RPS6KA5: variants seen among roughly 807,000 people sequenced by gnomAD.
RPS6KA5 encodes the protein ribosomal protein S6 kinase A5.
Under a neutral mutation model 85.5 loss-of-function variants are expected in RPS6KA5, and 27 were observed. The ratio of observed to expected loss-of-function variants is 0.32; its 90% CI spans 0.23 to 0.44. The LOEUF (loss-of-function observed/expected upper bound fraction) is 0.44. RPS6KA5 is among the 20% of genes least tolerant of loss of function. The pLI is 1.00. For synonymous variants in RPS6KA5, 334 were observed against 348.2 expected (o/e 0.96, Z 0.46); for missense variants, 811 against 980.9 (o/e 0.83, Z 2.31).
chr14:90,893,892 T>A, intron 13 of RPS6KA5: 3 of 562,542 alleles, frequency 5.3e-6, no homozygotes, highest in Non-Finnish European at 4.5e-6. Flanking sequence ...CTACATATAG[T>A]TCTATAAATA....
intron 3 of RPS6KA5, among the ~76,000 whole-genome samples, chr14:90,958,326 C>A (rs992753542): frequency 6.6e-6 from 1 of 152,128 alleles, no homozygotes; most frequent in Admixed American, 6.5e-5. Flanking sequence ...TTAAATATTG[C>A]GTTTTCCAAC....
intron 3 of RPS6KA5, among the ~76,000 whole-genome samples, chr14:90,977,501 G>C (rs1176893640): frequency 1.3e-5 from 2 of 152,178 alleles, no homozygotes; most frequent in South Asian, 2.1e-4. Context: ...GAGTGTAAAG[G>C]GCTGACTGAT....
At chr14:91,042,473 C>G (rs573698279) in intron 1 of RPS6KA5, among the ~76,000 whole-genome samples, 1 of 151,576 alleles carries the variant, frequency 6.6e-6, no homozygotes, top group Non-Finnish European at 1.5e-5. Flanking sequence ...ATCGCACCAC[C>G]GCACTCCAGC....
At chr14:91,002,667 CACATA>C (rs2040839140) in intron 1 of RPS6KA5, among the ~76,000 whole-genome samples, 1 of 152,098 alleles carries the variant, frequency 6.6e-6, no homozygotes, top group Non-Finnish European at 1.5e-5. Flanking sequence ...TGGTCAAAAA[CACATA>C]ACATAAAATT....
chr14:90,965,121 C>T (rs1392006238), intron 3 of RPS6KA5, among the ~76,000 whole-genome samples: 4 of 152,166 alleles, frequency 2.6e-5, no homozygotes, highest in South Asian at 2.1e-4. Flanking sequence ...ATCGGCTGGG[C>T]GCTGTGGCTC....
intron 3 of RPS6KA5, among the ~76,000 whole-genome samples, chr14:90,967,901 CTTCT>C (rs1272123690): frequency 6.6e-6 from 1 of 152,182 alleles, no homozygotes; most frequent in Non-Finnish European, 1.5e-5. Flanking sequence ...TCTTGTCTTT[CTTCT>C]TTATTTTACT....
intron 7 of RPS6KA5, among the ~76,000 whole-genome samples, chr14:90,913,402 G>C (rs2035939663): frequency 6.6e-6 from 1 of 152,176 alleles, no homozygotes. Context: ...TTGCTGAAAA[G>C]AGCTTTCTTT....
intron 1 of RPS6KA5, among the ~76,000 whole-genome samples, chr14:91,035,506 G>A (rs1255311028): frequency 2.0e-5 from 3 of 152,120 alleles, no homozygotes; most frequent in Non-Finnish European, 4.4e-5. Flanking sequence ...CACCAGCCAG[G>A]AAACAGGTGT....
chr14:91,055,864 A>G (rs2043292032), intron 1 of RPS6KA5, among the ~76,000 whole-genome samples: 1 of 152,246 alleles, frequency 6.6e-6, no homozygotes. Context: ...GCTGCCTGTC[A>G]TGAGAATGCT....
chr14:90,869,617 C>T lies in RPS6KA5; in HGVS notation c.*2457G>A, dbSNP rs1271519335. 1 of 152,102 alleles carries T rather than the reference C, an allele frequency of 6.6e-6. No individual in the cohort carries two copies. Among genetic ancestry groups the T allele is most frequent in the Non-Finnish European group, 1.5e-5 (1 of 68,004 alleles). 9.4% of individuals were successfully genotyped at this position (152,102 alleles called of 1,614,324 possible). A position where few individuals can be genotyped will look rare whatever the true frequency, so the allele number is the denominator to read the frequency against. On this transcript the variant is annotated 3_prime_UTR_variant, in exon 17 of 17. Coordinates refer to ENST00000614987, the MANE Select transcript of RPS6KA5 (RefSeq NM_004755.4). Reference sequence around the variant, plus strand: ...GTATTTGTATTTCTTAGATCTTCTTCTATTTTACTCTTAATACCAAAAAAA... The same window carrying T: ...GTATTTGTATTTCTTAGATCTTCTTTTATTTTACTCTTAATACCAAAAAAA...
rs1415993410 is a variant in RPS6KA5 at position 90,872,334 on chromosome 14, A to G, written c.2161-12T>C. On this transcript the variant is annotated splice_polypyrimidine_tract_variant and intron_variant, in intron 16 of 16. Coordinates refer to ENST00000614987, the MANE Select transcript of RPS6KA5 (RefSeq NM_004755.4). ...TATTTGTTAAAGGCCTGGCGGGGGA[A>G]AAAAAGGGAACCCCTGTGAAGGTAA... The G allele has an allele frequency of 1.3e-6, 2 of 1,597,544 alleles. No individual in the cohort carries two copies. Among genetic ancestry groups the G allele is most frequent in the East Asian group, 2.2e-5 (1 of 44,810 alleles).
At chr14:90,915,128 T>C (rs892871413) in intron 7 of RPS6KA5, among the ~76,000 whole-genome samples, 1 of 152,176 alleles carries the variant, frequency 6.6e-6, no homozygotes, top group Non-Finnish European at 1.5e-5. Context: ...AAAAAAAAGA[T>C]ACTTGTAGTT....
intron 5 of RPS6KA5, among the ~76,000 whole-genome samples, chr14:90,934,428 G>A (rs1265396320): frequency 6.6e-6 from 1 of 151,808 alleles, no homozygotes; most frequent in Non-Finnish European, 1.5e-5. Context: ...TGCCCTTATG[G>A]ACTTTAAAGT....
intron 1 of RPS6KA5, among the ~76,000 whole-genome samples, chr14:91,051,748 C>T (rs998122610): frequency 1.3e-5 from 2 of 151,808 alleles, no homozygotes; most frequent in African/African-American, 4.8e-5. Context: ...CTCGGCCTCC[C>T]AAAGTGCTGG....
Position 90,853,353 on chromosome 14 carries a change from A to T in RPS6KA5, c.*18721T>A, listed in dbSNP as rs773478389. ...ATCAAACTAAAATTTCAAAGAGTAG[A>T]TTCATCAAACTAAGATCTCCCATTA... is the stretch of plus-strand genomic sequence containing the variant. On this transcript the variant is annotated 3_prime_UTR_variant, in exon 17 of 17. Coordinates refer to ENST00000614987, the MANE Select transcript of RPS6KA5 (RefSeq NM_004755.4). The T allele has an allele frequency of 1.3e-5, 2 of 152,162 alleles. No homozygotes were observed. The highest frequency in any genetic ancestry group is 2.9e-5 in the Non-Finnish European group (2 of 68,018). 9.4% of individuals were successfully genotyped at this position (152,162 alleles called of 1,614,324 possible). A position where few individuals can be genotyped will look rare whatever the true frequency, so the allele number is the denominator to read the frequency against.
chr14:90,881,125 T>C (rs961031136), intron 14 of RPS6KA5, among the ~76,000 whole-genome samples: 3 of 151,500 alleles, frequency 2.0e-5, no homozygotes, highest in Admixed American at 1.3e-4. Flanking sequence ...TGAGCCACCA[T>C]GCCCAGCCTC....
At chr14:90,872,938 T>C (rs1342011600) in intron 16 of RPS6KA5, among the ~76,000 whole-genome samples, 2 of 152,208 alleles carry the variant, frequency 1.3e-5, no homozygotes, top group Non-Finnish European at 1.5e-5. Flanking sequence ...AAGATTTGGA[T>C]CATCTGATAG....
At chr14:90,885,552 C>CAAAAAAAAA (rs780292114) in intron 14 of RPS6KA5, among the ~76,000 whole-genome samples, 12 of 19,876 alleles carry the variant, frequency 6.0e-4, no homozygotes, top group African/African-American at 1.2e-3. Flanking sequence ...GACTCCGTCT[C>CAAAAAAAAA]AAAAAAAAAA....
At chr14:90,993,672 T>C (rs1378911036) in intron 2 of RPS6KA5, among the ~76,000 whole-genome samples, 3 of 152,238 alleles carry the variant, frequency 2.0e-5, no homozygotes, top group African/African-American at 7.2e-5. Context: ...AAGTCTTTTC[T>C]CTTTGACTGC....
Sources: gnomAD v4.1 joint callset for allele counts (sites outside exome capture counted in the v4.1 genomes callset) on GRCh38, gnomAD v4.1.1 for gene constraint, MANE v1.5 for transcripts, NCBI Gene and HGNC (gene_info 2026-07-23, HGNC 2026-07-21) for gene names.